Variants in UNC13C observed in about 807,000 individuals in gnomAD.
The protein encoded by UNC13C is protein unc-13 homolog C.
UNC13C carries 174 observed loss-of-function variants against 245.4 expected under a neutral mutation model. That is an observed-to-expected ratio of 0.71 (90% CI 0.63 to 0.80). UNC13C has a LOEUF of 0.80. Ranked by LOEUF, UNC13C falls within the 30% of genes least tolerant of loss-of-function variation. The pLI is 0.00. For synonymous variants in UNC13C, 992 were observed against 895.1 expected (o/e 1.11, Z -1.93); for missense variants, 2,829 against 2,602.9 (o/e 1.09, Z -1.89).
chr15:54,357,525 A>G (rs2039123026), intron 17 of UNC13C, among the ~76,000 whole-genome samples: 1 of 151,948 alleles, frequency 6.6e-6, no homozygotes, highest in Non-Finnish European at 1.5e-5. Context: ...TTTTAGCATT[A>G]TACATTTAAA....
chr15:53,914,094 A>G, the UNC13C span: 2 of 148,696 alleles, frequency 1.3e-5, no homozygotes, highest in African/African-American at 5.0e-5. Context: ...CCAGAAGCCT[A>G]TGTGTATGTA....
chr15:54,360,229 T>A (rs1298093337), intron 17 of UNC13C, among the ~76,000 whole-genome samples: 1 of 152,010 alleles, frequency 6.6e-6, no homozygotes, highest in East Asian at 1.9e-4. Context: ...AACATATGAT[T>A]TGTACTGGAG....
chr15:54,612,057 A>G (rs896331163), intron 30 of UNC13C, among the ~76,000 whole-genome samples: 1 of 45,260 alleles, frequency 2.2e-5, no homozygotes, highest in African/African-American at 5.1e-5. Flanking sequence ...CCAGAATTTT[A>G]TAAAACACCA....
chr15:53,863,440 T>C, the UNC13C span, among the ~76,000 whole-genome samples: 1 of 152,212 alleles, frequency 6.6e-6, no homozygotes, highest in African/African-American at 2.4e-5. Context: ...AGTCATAAAC[T>C]GTTACATATC....
Position 54,276,117 on chromosome 15 carries a change from TG to T in UNC13C, c.3818+10625del, listed in dbSNP as rs2036825699. On this transcript the variant is annotated intron_variant, in intron 10 of 32. Coordinates refer to ENST00000260323, the MANE Select transcript of UNC13C (RefSeq NM_001080534.3). Reference sequence around the variant, plus strand: ...GTAAGAAATCAGATCAGTGTTTTCCTGGGGAGTAAGGAAAGGAAAGGATGAG... The same window carrying T: ...GTAAGAAATCAGATCAGTGTTTTCCTGGGAGTAAGGAAAGGAAAGGATGAG... Among the ~76,000 whole-genome samples the T allele has an allele frequency of 5.9e-5, 9 of 152,138 alleles. 1 individual carries two copies. The South Asian group carries it at 1.9e-3, about 32-fold the overall frequency.
At chr15:53,998,279 CTT>C (rs774535959) in intron 1 of UNC13C, among the ~76,000 whole-genome samples, 71 of 152,138 alleles carry the variant, frequency 4.7e-4, no homozygotes, top group Non-Finnish European at 2.2e-4. Flanking sequence ...AATTTTTCAA[CTT>C]ATGATCATAT....
the UNC13C span, among the ~76,000 whole-genome samples, chr15:53,882,359 C>T: frequency 6.6e-6 from 1 of 151,986 alleles, no homozygotes; most frequent in Non-Finnish European, 1.5e-5. Flanking sequence ...ACTACTTTTG[C>T]TTATAATAAA....
chr15:54,457,799 G>C (rs559768708), intron 19 of UNC13C, among the ~76,000 whole-genome samples: 4 of 148,506 alleles, frequency 2.7e-5, no homozygotes, highest in Admixed American at 6.7e-5. Flanking sequence ...ATGATCTTTT[G>C]ATTTTGTTTA....
chr15:54,073,454 C>T (rs1275033883), intron 2 of UNC13C, among the ~76,000 whole-genome samples: 3 of 152,150 alleles, frequency 2.0e-5, no homozygotes, highest in Non-Finnish European at 4.4e-5. Context: ...GAGGAATCGC[C>T]ACACTGTCTT....
At chr15:54,062,284 CT>C (rs1257976437) in intron 2 of UNC13C, among the ~76,000 whole-genome samples, 1 of 150,164 alleles carries the variant, frequency 6.7e-6, no homozygotes, top group African/African-American at 2.5e-5. Flanking sequence ...GCCCATTGCA[CT>C]GCACTCCAGC....
intron 2 of UNC13C, among the ~76,000 whole-genome samples, chr15:54,139,380 G>A (rs896472289): frequency 6.6e-6 from 1 of 152,188 alleles, no homozygotes; most frequent in South Asian, 2.1e-4. Flanking sequence ...GCCACATTGT[G>A]ATGTACCAGA....
At chr15:54,189,521 T>C (rs2034109193) in intron 4 of UNC13C, among the ~76,000 whole-genome samples, 1 of 152,088 alleles carries the variant, frequency 6.6e-6, no homozygotes. Flanking sequence ...TTGGAGCATA[T>C]TAGAGTGTGG....
intron 8 of UNC13C, among the ~76,000 whole-genome samples, chr15:54,262,401 G>A (rs1413155941): frequency 6.6e-6 from 1 of 152,118 alleles, no homozygotes; most frequent in Non-Finnish European, 1.5e-5. Flanking sequence ...TTTGTGTCTT[G>A]CAGGGAACAT....
chr15:54,483,865 T>C (rs1893262735), intron 19 of UNC13C, among the ~76,000 whole-genome samples: 1 of 152,184 alleles, frequency 6.6e-6, no homozygotes, highest in South Asian at 2.1e-4. Flanking sequence ...CTGGCATTTC[T>C]TTGTCTCCCT....
At chr15:54,565,056 T>C (rs981966522) in intron 29 of UNC13C, among the ~76,000 whole-genome samples, 3 of 151,946 alleles carry the variant, frequency 2.0e-5, no homozygotes, top group Admixed American at 2.0e-4. Flanking sequence ...GCTGCTAAAG[T>C]TAAAAACAAC....
At chr15:54,234,206 C>CAT (rs202045850) in intron 4 of UNC13C, among the ~76,000 whole-genome samples, 2,461 of 149,910 alleles carry the variant, frequency 0.016, 78 homozygotes, top group African/African-American at 0.059. Flanking sequence ...CGTTCATAAA[C>CAT]ATATATATAT....
At chr15:54,539,905 G>A (rs972916769) in intron 26 of UNC13C, among the ~76,000 whole-genome samples, 2 of 151,964 alleles carry the variant, frequency 1.3e-5, no homozygotes, top group African/African-American at 4.8e-5. Flanking sequence ...AGAAAATTAT[G>A]TCACCATATG....
intron 4 of UNC13C, among the ~76,000 whole-genome samples, chr15:54,206,346 G>C (rs1216814454): frequency 6.6e-6 from 1 of 151,992 alleles, no homozygotes; most frequent in Non-Finnish European, 1.5e-5. Flanking sequence ...AAAAATAAAA[G>C]TTTTGATAAC....
chr15:54,539,388 GAAGTA>G (rs1402933426), intron 26 of UNC13C, among the ~76,000 whole-genome samples: 1 of 151,758 alleles, frequency 6.6e-6, no homozygotes, highest in Admixed American at 6.6e-5. Context: ...GGAAAGGGAA[GAAGTA>G]AAGAAAGAGA....
Sources: gnomAD v4.1 joint callset for allele counts (sites outside exome capture counted in the v4.1 genomes callset) on GRCh38, gnomAD v4.1.1 for gene constraint, MANE v1.5 for transcripts, NCBI Gene and HGNC (gene_info 2026-07-23, HGNC 2026-07-21) for gene names.